Variants in PTK7 observed in about 807,000 individuals in gnomAD.
PTK7 encodes protein tyrosine kinase 7 (inactive).
Under a neutral mutation model 116.6 loss-of-function variants are expected in PTK7, and 39 were observed. The ratio of observed to expected loss-of-function variants is 0.33; its 90% CI spans 0.26 to 0.44. PTK7 has a LOEUF of 0.44. Ranked by LOEUF, PTK7 falls within the 20% of genes least tolerant of loss-of-function variation. PTK7 has a pLI of 1.00. For missense variants in PTK7, 1,169 were observed against 1,425.6 expected (o/e 0.82, Z 2.90); for synonymous variants, 546 against 563.6 (o/e 0.97, Z 0.44).
intron 1 of PTK7, among the ~76,000 whole-genome samples, chr6:43,106,926 AT>A (rs36100312): frequency 0.43 from 48,945 of 114,788 alleles, 8,414 homozygotes; most frequent in East Asian, 0.48. Context: ...TCTTCCCTGA[AT>A]TTTTTTTTTT....
rs374545605 is a variant in PTK7, at chr6:43,076,581, A to T, written c.79+14A>T. On this transcript the variant is annotated intron_variant, in intron 1 of 19. Transcript: ENST00000230419. This position sits in a 1 kb window ranked among gnomAD's most constrained non-coding sequence, Gnocchi z 5.7. ...CGCTGCTGGGCGGTGAGTACCCGAG[A>T]GTTGGGGGCACAGAGCTTGGGAAGC... The T allele has an allele frequency of 1.3e-6, 2 of 1,571,566 alleles. No individual in the cohort carries two copies. The highest frequency in any genetic ancestry group is 2.8e-5 in the African/African-American group (2 of 71,486).
At chr6:43,146,283 TC>T (rs1770718591) in intron 16 of PTK7, 1 of 202,578 alleles carries the variant, frequency 4.9e-6, no homozygotes, top group Non-Finnish European at 1.0e-5. Context: ...AGGGGTTTCC[TC>T]TCAGGAATCT....
intron 1 of PTK7, among the ~76,000 whole-genome samples, chr6:43,120,021 G>A (rs569979881): frequency 6.6e-6 from 1 of 152,258 alleles, no homozygotes; most frequent in East Asian, 1.9e-4. Context: ...GCAGACTTTT[G>A]TGTGTCTATA....
At chr6:43,118,622 T>TCC (rs1768711864) in intron 1 of PTK7, among the ~76,000 whole-genome samples, 1 of 56,936 alleles carries the variant, frequency 1.8e-5, no homozygotes, top group Non-Finnish European at 3.1e-5. Flanking sequence ...TATTTTAACC[T>TCC]CTCTCTCTCT....
chr6:43,130,806 T>A, intron 5 of PTK7, 145 bp downstream of exon 5: 1 of 1,237,772 alleles, frequency 8.1e-7, no homozygotes, highest in South Asian at 1.5e-5. Context: ...ATGTTTTGCT[T>A]TTACAAGATG....
chr6:43,130,774 A>G (rs1374655083), intron 5 of PTK7, 113 bp downstream of exon 5: 15 of 1,391,712 alleles, frequency 1.1e-5, no homozygotes, highest in Admixed American at 2.0e-5. Flanking sequence ...TATTATTTCA[A>G]ATTTCCAAGA....
chr6:43,143,512 T>A lies in PTK7; in HGVS notation c.2143T>A (p.Tyr715Asn). The A allele has an allele frequency of 6.2e-7, 1 of 1,613,714 alleles. No homozygotes were observed. The highest frequency in any genetic ancestry group is 1.3e-5 in the African/African-American group (1 of 74,918). ...GTTGTCGGTGGGTGCCGCTGTGGCCTACATCATTGCCGTGCTGGGCCTCAT... is the reference window on the plus strand; with the variant it reads ...GTTGTCGGTGGGTGCCGCTGTGGCCAACATCATTGCCGTGCTGGGCCTCAT... ...IGLSVGAAVAYIIAVLGLMFY... is the reference protein window; with the variant it reads ...IGLSVGAAVANIIAVLGLMFY... Residue 715 changes from tyrosine to asparagine, a missense_variant, in exon 14 of 20, where the codon TAC becomes AAC. Tyr to Asn is a moderately radical substitution (Grantham distance 143). Coordinates refer to ENST00000230419, the MANE Select transcript of PTK7 (RefSeq NM_002821.5). This position sits in a 1 kb window ranked among gnomAD's most constrained non-coding sequence, Gnocchi z 4.2.
intron 7 of PTK7, among the ~76,000 whole-genome samples, chr6:43,136,934 G>T (rs111768782): frequency 6.6e-6 from 1 of 152,176 alleles, no homozygotes; most frequent in African/African-American, 2.4e-5. Flanking sequence ...AGCCTGGGAC[G>T]CTGAGGCTGC....
At chr6:43,142,502 G>A (rs1314700925) in intron 13 of PTK7, 14 of 772,332 alleles carry the variant, frequency 1.8e-5, no homozygotes, top group East Asian at 1.2e-4. Context: ...TCCAACGGTC[G>A]GTGTGTGTGT....
chr6:43,152,588 C>CCTGTTAGAGCCTCAG (rs1260157513), intron 17 of PTK7, among the ~76,000 whole-genome samples: 6 of 152,230 alleles, frequency 3.9e-5, no homozygotes, highest in Non-Finnish European at 7.3e-5. Context: ...TAATGCACTG[C>CCTGTTAGAGCCTCAG]CTGTTAGAGC....
chr6:43,148,178 A>C (rs1391816353), intron 17 of PTK7, among the ~76,000 whole-genome samples: 4 of 150,680 alleles, frequency 2.7e-5, no homozygotes, highest in Non-Finnish European at 5.9e-5. Flanking sequence ...ATTGGAGCCC[A>C]GGAGGTCGAG....
Position 43,158,841 on chromosome 6 carries a change from C to G in PTK7, c.2746C>G (p.Leu916Val). ...GGTGGCCCTATGCACCCAGGTAGCC[C>G]TGGGCATGGAGCACCTGTCCAACAA... ...QKVALCTQVA[L>V]GMEHLSNNRF... The change falls in exon 18 of 20, where the codon CTG becomes GTG. Residue 916 changes from leucine to valine, a missense_variant. By Grantham distance (32) the Leu-to-Val change is conservative. Around this residue, in one of 3 missense-constraint regions of PTK7, gnomAD observed 678 missense variants for 853.8 expected, o/e 0.79. Coordinates refer to ENST00000230419, the MANE Select transcript of PTK7 (RefSeq NM_002821.5). 1 of 1,614,124 alleles carries G rather than the reference C, an allele frequency of 6.2e-7. No homozygotes were observed. Among genetic ancestry groups the G allele is most frequent in the Non-Finnish European group, 8.5e-7 (1 of 1,179,994 alleles).
chr6:43,157,362 A>AT (rs1561990570), intron 17 of PTK7, among the ~76,000 whole-genome samples: 6 of 34,252 alleles, frequency 1.8e-4, no homozygotes, highest in Non-Finnish European at 2.9e-4. Context: ...ATATATATAT[A>AT]TATTTTTTTT....
At chr6:43,091,489 GAAT>G (rs774284830) in intron 1 of PTK7, among the ~76,000 whole-genome samples, 11 of 152,060 alleles carry the variant, frequency 7.2e-5, no homozygotes, top group Non-Finnish European at 1.5e-4. Flanking sequence ...TGTAAGATAG[GAAT>G]AATAATACCA....
chr6:43,086,416 CT>C (rs35357864), intron 1 of PTK7, among the ~76,000 whole-genome samples: 23,301 of 140,332 alleles, frequency 0.17, 1,947 homozygotes, highest in Non-Finnish European at 0.22. Flanking sequence ...GACACTCTGG[CT>C]TTTTTTTTTT....
intron 1 of PTK7, among the ~76,000 whole-genome samples, chr6:43,083,667 C>T (rs909711051): frequency 6.6e-6 from 1 of 152,302 alleles, no homozygotes. Flanking sequence ...TTTCCCCTCT[C>T]GCAACTTGGT....
intron 17 of PTK7, 77 bp downstream of exon 17, chr6:43,146,775 A>T: frequency 5.4e-6 from 7 of 1,300,694 alleles, no homozygotes; most frequent in Non-Finnish European, 7.7e-6. Flanking sequence ...CCATTTATTG[A>T]GGGCTCTCTA....
chr6:43,122,294 G>T (rs1203330982), intron 1 of PTK7, among the ~76,000 whole-genome samples: 1 of 152,168 alleles, frequency 6.6e-6, no homozygotes, highest in African/African-American at 2.4e-5. Flanking sequence ...GGTTGGGGAG[G>T]CACCCTGGGC....
rs28479992 is a variant in PTK7 at position 43,127,884 on chromosome 6, G to C, written c.80-1093G>C. On this transcript the variant is annotated intron_variant, in intron 1 of 19. Coordinates refer to ENST00000230419, the MANE Select transcript of PTK7 (RefSeq NM_002821.5). ...GCAGAGCTTGCAGTGAGCCAAGATC[G>C]CGCTACTGCACTCCAGCCTGGGTGA... Among the ~76,000 whole-genome samples the C allele has an allele frequency of 8.6e-3, 1,306 of 151,680 alleles. 17 individuals carry two copies. Among genetic ancestry groups the C allele is most frequent in the African/African-American group, 0.029 (1,193 of 41,342 alleles).
Sources: allele counts gnomAD v4.1 joint callset (sites outside exome capture counted in the v4.1 genomes callset), GRCh38; gene constraint gnomAD v4.1.1; regional missense constraint gnomAD v4.1.1; non-coding constraint Gnocchi (gnomAD v3.1); transcripts MANE v1.5; gene names NCBI Gene and HGNC (gene_info 2026-07-23, HGNC 2026-07-21).